The following CYFIP2 variants were observed in gnomAD, a reference collection of about 807,000 sequenced individuals.
CYFIP2 encodes cytoplasmic FMR1 interacting protein 2.
CYFIP2 carries 29 observed loss-of-function variants against 158.7 expected under a neutral mutation model. The ratio of observed to expected loss-of-function variants is 0.18; its 90% CI spans 0.14 to 0.25. The LOEUF (loss-of-function observed/expected upper bound fraction) is 0.25. Ranked by LOEUF, CYFIP2 falls within the 10% of genes least tolerant of loss-of-function variation. CYFIP2 has a pLI of 1.00. For missense variants in CYFIP2, 852 were observed against 1,639.5 expected (o/e 0.52, Z 8.29); for synonymous variants, 585 against 617.6 (o/e 0.95, Z 0.78).
intron 20 of CYFIP2, 84 bp from the exon 21 acceptor site, chr5:157,333,243 C>T: frequency 6.3e-7 from 1 of 1,577,358 alleles, no homozygotes; most frequent in South Asian, 1.1e-5. Context: ...CTTGGTCCCC[C>T]AAAGTGCTGG....
intron 28 of CYFIP2, among the ~76,000 whole-genome samples, chr5:157,387,289 A>G (rs1422481678): frequency 6.6e-6 from 1 of 152,072 alleles, no homozygotes; most frequent in Non-Finnish European, 1.5e-5. Context: ...AAGGACAAAC[A>G]CTTTTCAAAG....
chr5:157,288,870 T>A (rs917706924), intron 3 of CYFIP2, among the ~76,000 whole-genome samples: 2 of 152,208 alleles, frequency 1.3e-5, no homozygotes, highest in South Asian at 4.1e-4. Flanking sequence ...CAAAGTTCTG[T>A]GTTTTTGAAG....
intron 1 of CYFIP2, among the ~76,000 whole-genome samples, chr5:157,270,823 A>G: frequency 6.6e-6 from 1 of 152,214 alleles, no homozygotes; most frequent in Non-Finnish European, 1.5e-5. Flanking sequence ...TTAAACCAGA[A>G]GTTAAGAATT....
intron 23 of CYFIP2, among the ~76,000 whole-genome samples, chr5:157,349,526 G>A (rs1306651792): frequency 6.6e-6 from 1 of 152,144 alleles, no homozygotes; most frequent in Non-Finnish European, 1.5e-5. Context: ...TTGATTAGTG[G>A]GCATTGGGCT....
chr5:157,362,161 A>C (rs908737196), intron 26 of CYFIP2, among the ~76,000 whole-genome samples: 2 of 152,164 alleles, frequency 1.3e-5, no homozygotes, highest in Non-Finnish European at 2.9e-5. Context: ...TAAGGAAGAG[A>C]AGCTTTGTTT....
chr5:157,373,528 T>C (rs573658903), intron 26 of CYFIP2, among the ~76,000 whole-genome samples: 7 of 152,326 alleles, frequency 4.6e-5, no homozygotes, highest in African/African-American at 1.7e-4. Flanking sequence ...AGAAAGAGCA[T>C]GCTCTGAGAG....
intron 7 of CYFIP2, chr5:157,303,150 G>T: frequency 2.6e-6 from 1 of 384,656 alleles, no homozygotes; most frequent in Non-Finnish European, 4.7e-6. Context: ...TTGAGAACGT[G>T]GGGTCTGGAG....
intron 26 of CYFIP2, chr5:157,365,267 T>C (rs1250714331): frequency 6.6e-6 from 1 of 152,208 alleles, no homozygotes; most frequent in African/African-American, 2.4e-5. Flanking sequence ...AACTGGGAAA[T>C]ACCAGAAAGT....
At chr5:157,326,354 A>G (rs766548837) in intron 18 of CYFIP2, 87 bp downstream of exon 18, 1 of 1,105,868 alleles carries the variant, frequency 9.0e-7, no homozygotes, top group Non-Finnish European at 1.4e-6. Flanking sequence ...ATGAAGTAGG[A>G]GTATCAGTGA....
intron 11 of CYFIP2, among the ~76,000 whole-genome samples, chr5:157,312,859 CT>C (rs1337936717): frequency 2.0e-5 from 3 of 152,102 alleles, no homozygotes; most frequent in Non-Finnish European, 4.4e-5. Context: ...TGCTAGAGCT[CT>C]TTTAAAAATT....
chr5:157,304,306 T>C lies in CYFIP2; in HGVS notation c.735T>C (p.Cys245=), dbSNP rs753829376. The C allele has an allele frequency of 1.9e-6, 3 of 1,613,990 alleles. No homozygotes were observed. Among genetic ancestry groups the C allele is most frequent in the Non-Finnish European group, 2.5e-6 (3 of 1,179,892 alleles). The change falls in exon 8 of 31, where the codon TGT becomes TGC. Residue 245 remains cysteine (C), a synonymous_variant. Coordinates refer to ENST00000620254, the MANE Select transcript of CYFIP2 (RefSeq NM_001037333.3). ...EELLADIVNI[C]VDYYENKMYL... ...TGCTGGCTGACATTGTCAACATCTGTGTGGATTACTACGAGAACAAGATGT... is the reference window on the plus strand; with the variant it reads ...TGCTGGCTGACATTGTCAACATCTGCGTGGATTACTACGAGAACAAGATGT...
intron 15 of CYFIP2, among the ~76,000 whole-genome samples, chr5:157,322,786 GAGTGT>G (rs1760705391): frequency 6.6e-6 from 1 of 152,214 alleles, no homozygotes; most frequent in Non-Finnish European, 1.5e-5. Flanking sequence ...TGGGAGGTTG[GAGTGT>G]CTCAGAGGTG....
intron 8 of CYFIP2, 111 bp from the exon 9 acceptor site, chr5:157,307,650 T>TG: frequency 1.6e-6 from 1 of 606,908 alleles, no homozygotes. Context: ...TGTGTGTGTG[T>TG]GTGTGTATGT....
At chr5:157,281,183 C>T (rs972464374) in intron 1 of CYFIP2, among the ~76,000 whole-genome samples, 2 of 152,146 alleles carry the variant, frequency 1.3e-5, no homozygotes, top group Non-Finnish European at 2.9e-5. Flanking sequence ...GAGTTGGCGT[C>T]AAAGGCTTAA....
Position 157,296,783 on chromosome 5 carries a change from G to A in CYFIP2, c.387+9G>A, listed in dbSNP as rs780124025. 1.2e-6 allele frequency: 2 copies of A among 1,609,538 alleles called. No homozygotes were observed. The highest frequency in any genetic ancestry group is 1.7e-6 in the Non-Finnish European group (2 of 1,176,290). On this transcript the variant is annotated intron_variant, in intron 5 of 30. Coordinates refer to ENST00000620254, the MANE Select transcript of CYFIP2 (RefSeq NM_001037333.3). ...AGTTCATGTATTTTCAGGTGAGTGG[G>A]GAGGGGCAGGTCTGCATCTGGAGAA...
chr5:157,273,710 C>T (rs1233353723), intron 1 of CYFIP2, among the ~76,000 whole-genome samples: 3 of 152,146 alleles, frequency 2.0e-5, no homozygotes, highest in African/African-American at 7.2e-5. Flanking sequence ...TACTCTACCC[C>T]CAGCTCTCTT....
intron 30 of CYFIP2, 60 bp from the exon 31 acceptor site, chr5:157,392,773 C>T (rs543685057): frequency 6.3e-7 from 1 of 1,578,262 alleles, no homozygotes; most frequent in East Asian, 2.3e-5. Flanking sequence ...TCTCCTGTTA[C>T]TCCCTCTTTC....
chr5:157,360,517 C>T (rs779709458), intron 25 of CYFIP2, 145 bp downstream of exon 25: 20 of 628,142 alleles, frequency 3.2e-5, no homozygotes, highest in Non-Finnish European at 5.0e-5. Context: ...AGCTAGATAG[C>T]CTTTTAATCC....
In CYFIP2 at chr5:157,311,605, C is replaced by A; in HGVS notation, c.993-59C>A. ...GCTGAGCACCAGGAGCAGCTAATGC[C>A]TGTTCCACCCAGGCGCCTGAGGCTG... On this transcript the variant is annotated intron_variant, in intron 10 of 30. Coordinates refer to ENST00000620254, the MANE Select transcript of CYFIP2 (RefSeq NM_001037333.3). This position sits in a 1 kb window ranked among gnomAD's most constrained non-coding sequence, Gnocchi z 4.7. 6.7e-7 allele frequency: 1 copy of A among 1,488,392 alleles called. No individual in the cohort carries two copies. The highest frequency in any genetic ancestry group is 9.1e-7 in the Non-Finnish European group (1 of 1,094,930). The allele number at this position is 1,488,392 out of a possible 1,614,324, so 92.2% of individuals were successfully genotyped here.
Sources: allele counts gnomAD v4.1 joint callset (sites outside exome capture counted in the v4.1 genomes callset), GRCh38; gene constraint gnomAD v4.1.1; non-coding constraint Gnocchi (gnomAD v3.1); transcripts MANE v1.5; gene names NCBI Gene and HGNC (gene_info 2026-07-23, HGNC 2026-07-21).